NEFH: variants seen among roughly 807,000 people sequenced by gnomAD.
NEFH encodes neurofilament heavy chain.
NEFH carries 58 observed loss-of-function variants against 56.6 expected under a neutral mutation model. The ratio of observed to expected loss-of-function variants is 1.03; its 90% CI spans 0.83 to 1.28. NEFH has a LOEUF of 1.28. Ranked by LOEUF, NEFH falls within the 50% of genes most tolerant of loss-of-function variation. The pLI is 0.00. For synonymous variants in NEFH, 542 were observed against 545.8 expected, an observed-to-expected ratio of 0.99 and a Z score of 0.10; for missense variants, 1,221 against 1,307.6, an observed-to-expected ratio of 0.93 and a Z score of 1.02.
intron 3 of NEFH, among the ~76,000 whole-genome samples, chr22:29,486,632 C>T (rs1569196717): frequency 6.6e-6 from 1 of 150,582 alleles, no homozygotes; most frequent in Non-Finnish European, 1.5e-5. Context: ...AAGTGATTCT[C>T]CTGCCTCAGC....
Position 29,490,544 on chromosome 22 carries a change from AC to A in NEFH, c.2907del (p.Lys970ArgfsTer86). On this transcript the variant is annotated frameshift_variant, in exon 4 of 4. Coordinates refer to ENST00000310624, the MANE Select transcript of NEFH (RefSeq NM_021076.4). LOFTEE classifies it high-confidence loss of function. ...AGAAGGCCAAGAAGCCTGAGGAGAAACCCAAGACAGAGGCCAAAGCCAAGGA... is the reference window on the plus strand; with the variant it reads ...AGAAGGCCAAGAAGCCTGAGGAGAAACCAAGACAGAGGCCAAAGCCAAGGA... ...EEKAKKPEEKPKTEAKAKEDD... is the reference protein window; with the variant it reads ...EEKAKKPEEKXKTEAKAKEDD... 1 of 1,611,806 alleles carries A rather than the reference AC, an allele frequency of 6.2e-7. No individual in the cohort carries two copies. The highest frequency in any genetic ancestry group is 1.1e-5 in the South Asian group (1 of 90,558).
intron 3 of NEFH, 109 bp downstream of exon 3, chr22:29,485,956 A>G (rs2063042187): frequency 8.2e-7 from 1 of 1,212,282 alleles, no homozygotes; most frequent in African/African-American, 1.5e-5. Flanking sequence ...CTTAGGGACA[A>G]AATTCTTTTT....
chr22:29,489,099 G>T lies in NEFH; in HGVS notation c.1459G>T (p.Glu487Ter), dbSNP rs1360199239. Residue 487 changes from glutamate to a stop codon, truncating the protein, a stop_gained, in exon 4 of 4, where the codon GAA (glutamate) becomes TAA (stop). Coordinates refer to ENST00000310624, the MANE Select transcript of NEFH (RefSeq NM_021076.4). LOFTEE classifies it low-confidence loss of function (END_TRUNC). ...EAKEEEGKEE[E>*]GGEEEEAEGG... is the part of the protein sequence containing the mutation. ...CAAAGAGGAGGAGGGCAAGGAGGAA[G>T]AAGGGGGTGAAGAAGAGGAGGCAGA... 4.3e-6 allele frequency: 7 copies of T among 1,613,188 alleles called. No homozygotes were observed. The highest frequency in any genetic ancestry group is 1.3e-5 in the African/African-American group (1 of 74,932).
At chr22:29,485,137 A>G (rs777661068) in intron 2 of NEFH, among the ~76,000 whole-genome samples, 1 of 151,830 alleles carries the variant, frequency 6.6e-6, no homozygotes, top group African/African-American at 2.4e-5. Flanking sequence ...GAGTCTCGCT[A>G]TGTCTCCCAG....
rs1315520785 is a variant in NEFH, at chr22:29,480,953, C to T, written c.691C>T (p.Arg231Trp). ...GCTGCAGGAGGAGTGCGGCTACCTG[C>T]GGCGCCACCACCAGGAAGAGGTGGG... is the stretch of plus-strand genomic sequence containing the variant. ...QALQEECGYL[R>W]RHHQEEVGEL... Residue 231 changes from arginine (R) to tryptophan (W), a missense_variant, in exon 1 of 4, where the codon CGG (arginine) becomes TGG (tryptophan). Transcript: ENST00000310624. 2.0e-6 allele frequency: 3 copies of T among 1,530,080 alleles called. No individual in the cohort carries two copies. The highest frequency in any genetic ancestry group is 1.4e-5 in the African/African-American group (1 of 72,022). The allele number at this position is 1,530,080 out of a possible 1,614,324, so 94.8% of individuals were successfully genotyped here.
chr22:29,480,624 A>C lies in NEFH; in HGVS notation c.362A>C (p.His121Pro), dbSNP rs1467339157. ...YIDKVRQLEA[H>P]NRSLEGEAAA... ...GACAAGGTGCGGCAGCTGGAGGCGC[A>C]CAACCGCAGCCTGGAGGGCGAGGCT... Residue 121 changes from histidine (H) to proline (P), a missense_variant, in exon 1 of 4, where the codon CAC becomes CCC. Around this residue, in one of 4 missense-constraint regions of NEFH, gnomAD observed 640 missense variants for 555.5 expected, o/e 1.15. Coordinates refer to ENST00000310624, the MANE Select transcript of NEFH (RefSeq NM_021076.4). 1.3e-6 allele frequency: 2 copies of C among 1,563,658 alleles called. No homozygotes were observed.
intron 2 of NEFH, among the ~76,000 whole-genome samples, chr22:29,485,310 C>G (rs1479738377): frequency 1.3e-5 from 2 of 152,162 alleles, no homozygotes; most frequent in African/African-American, 4.8e-5. Flanking sequence ...ACCATGTTGG[C>G]CAGGCTAGTC....
chr22:29,480,547 C>T lies in NEFH; in HGVS notation c.285C>T (p.Arg95=), dbSNP rs1034956797. Residue 95 remains arginine (R), a synonymous_variant, in exon 1 of 4, where the codon CGC becomes CGT. Transcript: ENST00000310624. ...GCATGGTGGCGGTGGCCACCTCACG[C>T]AGTGAGAAGGAGCAGCTGCAGGCGC... ...EGCMVAVATS[R]SEKEQLQALN... The T allele has an allele frequency of 1.9e-6, 3 of 1,539,408 alleles. No homozygotes were observed. The highest frequency in any genetic ancestry group is 2.4e-5 in the South Asian group (2 of 84,410).
At chr22:29,483,637 A>T (rs369359158) in intron 2 of NEFH, 63 bp downstream of exon 2, 3 of 1,491,012 alleles carry the variant, frequency 2.0e-6, no homozygotes, top group East Asian at 2.3e-5. Context: ...TGGACAAGTT[A>T]CTGTCCCTCA....
In NEFH at chr22:29,483,355, C is replaced by T. The variant is rs375688757; in HGVS notation, c.884-20C>T. 4.3e-6 allele frequency: 7 copies of T among 1,612,866 alleles called. No individual in the cohort carries two copies. In the African/African-American group the frequency reaches 6.7e-5, roughly 15 times the overall value. On this transcript the variant is annotated intron_variant, in intron 1 of 3. Coordinates refer to ENST00000310624, the MANE Select transcript of NEFH (RefSeq NM_021076.4). ...AGTCCAGGTGTGTCTAACCCTGTGC[C>T]CTGCTACCTTCTCCCCCAGTGAGGC...
Position 29,480,905 on chromosome 22 carries a change from G to A in NEFH, c.643G>A (p.Asp215Asn). Residue 215 changes from aspartate to asparagine, a missense_variant, in exon 1 of 4, where the codon GAC becomes AAC. This residue lies in a region of NEFH where 640 missense variants were observed against 555.5 expected (regional missense o/e 1.15). Transcript: ENST00000310624. ...FAQEAEAARV[D>N]LQKKAQALQE... The stretch of plus-strand genomic sequence containing the variant: ...GCAGGAGGCCGAGGCGGCGCGCGTG[G>A]ACCTGCAGAAGAAGGCGCAGGCGCT... 6.7e-7 allele frequency: 1 copy of A among 1,498,936 alleles called. No homozygotes were observed. The highest frequency in any genetic ancestry group is 8.8e-7 in the Non-Finnish European group (1 of 1,133,222). The allele number at this position is 1,498,936 out of a possible 1,614,324, so 92.9% of individuals were successfully genotyped here.
In NEFH at chr22:29,490,963, G is replaced by A. The variant is rs1314827149; in HGVS notation, c.*260G>A. 9 of 599,098 alleles carry A rather than the reference G, an allele frequency of 1.5e-5. No homozygotes were observed. The highest frequency in any genetic ancestry group is 5.9e-5 in the South Asian group (3 of 50,978). 37.1% of individuals were successfully genotyped at this position (599,098 alleles called of 1,614,324 possible). On this transcript the variant is annotated 3_prime_UTR_variant, in exon 4 of 4. Coordinates refer to ENST00000310624, the MANE Select transcript of NEFH (RefSeq NM_021076.4). ...TATGTAGCTGAATGTGATACATGCC[G>A]AATGCCACACGTAAACACTTGACTA...
At position 29,483,426 on chromosome 22, in the gene NEFH, G is replaced by A. The variant is rs766690537; in HGVS notation, c.935G>A (p.Arg312His). The A allele has an allele frequency of 3.1e-6, 5 of 1,613,806 alleles. No homozygotes were observed. The African/African-American group carries it at 4.0e-5, about 13-fold the overall frequency. The change falls in exon 2 of 4, where the codon CGC becomes CAC. Residue 312 changes from arginine (R) to histidine (H), a missense_variant. By Grantham distance (29) the Arg-to-His change is conservative (BLOSUM62 0). Around this residue, in one of 4 missense-constraint regions of NEFH, gnomAD observed 640 missense variants for 555.5 expected, o/e 1.15. Transcript: ENST00000310624. ...EAAKVNTDAM[R>H]SAQEEITEYR... is the part of the protein sequence containing the mutation. Reference sequence around the variant, plus strand: ...GCCAAGGTGAACACAGACGCTATGCGCTCAGCGCAGGAGGAGATAACTGAG... The same window carrying A: ...GCCAAGGTGAACACAGACGCTATGCACTCAGCGCAGGAGGAGATAACTGAG...
rs1330877220 is a variant in NEFH at position 29,490,922 on chromosome 22, G to A, written c.*219G>A. 3.9e-6 allele frequency: 3 copies of A among 776,208 alleles called. No individual in the cohort carries two copies. The highest frequency in any genetic ancestry group is 2.7e-5 in the East Asian group (1 of 36,592). The allele number at this position is 776,208 out of a possible 1,614,324, so 48.1% of individuals were successfully genotyped here. A position where few individuals can be genotyped will look rare whatever the true frequency, so the allele number is the denominator to read the frequency against. On this transcript the variant is annotated 3_prime_UTR_variant, in exon 4 of 4. Transcript: ENST00000310624. ...GCCCCCAGGCCCTCCCCAGGCGATG[G>A]ACAATTATGATAGCTTATGTAGCTG...
chr22:29,489,669 C>G lies in NEFH; in HGVS notation c.2029C>G (p.Pro677Ala). Reference sequence around the variant, plus strand: ...CCCAGTGAAGGCAGAAGCAAAGTCCCCTGAGAAGGCCAAGTCCCCAGTGAA... The same window carrying G: ...CCCAGTGAAGGCAGAAGCAAAGTCCGCTGAGAAGGCCAAGTCCCCAGTGAA... ...KSPVKAEAKS[P>A]EKAKSPVKAE... Residue 677 changes from proline to alanine, a missense_variant, in exon 4 of 4, where the codon CCT becomes GCT. This residue lies in a region of NEFH where 37 missense variants were observed against 106.4 expected (regional missense o/e 0.35). Coordinates refer to ENST00000310624, the MANE Select transcript of NEFH (RefSeq NM_021076.4). The G allele has an allele frequency of 6.2e-7, 1 of 1,607,252 alleles. No homozygotes were observed.
At position 29,489,249 on chromosome 22, in the gene NEFH, G is replaced by A. The variant is rs2063062158; in HGVS notation, c.1609G>A (p.Glu537Lys). 1.9e-6 allele frequency: 3 copies of A among 1,613,420 alleles called. No homozygotes were observed. In the East Asian group the frequency reaches 6.7e-5, roughly 36 times the overall value. ...PAEAKSPEKEEAKSPAEVKSP... is the reference protein window; with the variant it reads ...PAEAKSPEKEKAKSPAEVKSP... ...TGAGGCCAAGTCCCCAGAGAAGGAGGAAGCAAAATCCCCAGCCGAAGTCAA... is the reference window on the plus strand; with the variant it reads ...TGAGGCCAAGTCCCCAGAGAAGGAGAAAGCAAAATCCCCAGCCGAAGTCAA... The change falls in exon 4 of 4, where the codon GAA becomes AAA. Residue 537 changes from glutamate to lysine, a missense_variant. By Grantham distance (56) the Glu-to-Lys change is moderately conservative. Transcript: ENST00000310624.
In NEFH at chr22:29,480,504, G is replaced by A. The variant is rs2062997380; in HGVS notation, c.242G>A (p.Ser81Asn). The stretch of plus-strand genomic sequence containing the variant: ...AGCACCGACTCGCTGGACACGCTGA[G>A]CAACGGGCCGGAGGGCTGCATGGTG... ...ASSTDSLDTL[S>N]NGPEGCMVAV... Residue 81 changes from serine to asparagine, a missense_variant, in exon 1 of 4, where the codon AGC (serine) becomes AAC (asparagine). Physicochemically the swap from Ser to Asn is conservative, Grantham distance 46. This residue lies in a region of NEFH where 640 missense variants were observed against 555.5 expected (regional missense o/e 1.15). Transcript: ENST00000310624. The A allele has an allele frequency of 6.5e-7, 1 of 1,534,494 alleles. No homozygotes were observed. Among genetic ancestry groups the A allele is most frequent in the East Asian group, 2.4e-5 (1 of 40,954 alleles).
rs2063041464 is a variant in NEFH, at chr22:29,485,860, G to A, written c.1208+13G>A. ...TAGCCGCTTACAGGTGAGACGCACA[G>A]GGGCTGTCACATGGTGAAGAAAGCT... On this transcript the variant is annotated intron_variant, in intron 3 of 3. Coordinates refer to ENST00000310624, the MANE Select transcript of NEFH (RefSeq NM_021076.4). 1 of 1,614,158 alleles carries A rather than the reference G, an allele frequency of 6.2e-7. No homozygotes were observed. Among genetic ancestry groups the A allele is most frequent in the Non-Finnish European group, 8.5e-7 (1 of 1,179,996 alleles).
intron 3 of NEFH, among the ~76,000 whole-genome samples, chr22:29,487,644 C>G (rs949655242): frequency 6.6e-6 from 1 of 152,108 alleles, no homozygotes; most frequent in African/African-American, 2.4e-5. Context: ...AAAATAACAA[C>G]AACACAACAA....
Sources: gnomAD v4.1 joint callset for allele counts (sites outside exome capture counted in the v4.1 genomes callset) on GRCh38, gnomAD v4.1.1 for gene constraint, gnomAD v4.1.1 regional missense constraint, MANE v1.5 for transcripts, NCBI Gene and HGNC (gene_info 2026-07-23, HGNC 2026-07-21) for gene names.